The following FBXO17 variants were observed in gnomAD, a reference collection of about 807,000 sequenced individuals.
The protein encoded by FBXO17 is F-box only protein 17.
Under a neutral mutation model 34.1 loss-of-function variants are expected in FBXO17, and 43 were observed. The ratio of observed to expected loss-of-function variants is 1.26; its 90% confidence interval spans 0.99 to 1.62. FBXO17 has a LOEUF of 1.62. Among genes scored for constraint, FBXO17 ranks in the 40% most tolerant of loss-of-function variants. The probability of loss-of-function intolerance (pLI) is 0.00; values close to 1 mark genes in which losing one functional copy is unlikely to be tolerated. For synonymous variants in FBXO17, 169 were observed against 166.0 expected (o/e 1.02, Z -0.14); for missense variants, 424 against 386.7 (o/e 1.10, Z -0.81).
intron 2 of FBXO17, among the ~76,000 whole-genome samples, chr19:38,949,570 C>T (rs941417695): frequency 4.0e-5 from 6 of 151,696 alleles, no homozygotes; most frequent in Non-Finnish European, 8.8e-5. Flanking sequence ...CTCTGTCACG[C>T]AGGCTGTAGT....
chr19:38,973,647 T>C (rs1975419200), intron 1 of FBXO17, among the ~76,000 whole-genome samples: 1 of 152,292 alleles, frequency 6.6e-6, no homozygotes, highest in African/African-American at 2.4e-5. Flanking sequence ...TTGAAGAAAT[T>C]AATATTTACA....
In FBXO17 at chr19:38,942,655, C is replaced by T. The variant is rs781330255; in HGVS notation, c.790G>A (p.Ala264Thr). Reference protein sequence around the residue: ...DVSSWVGHYGALVTHSSVRVR... With the variant: ...DVSSWVGHYGTLVTHSSVRVR... ...CTCACACTGGAGTGGGTCACAAGGG[C>T]GCCATAGTGCCCCACCCAGGAACTC... Residue 264 changes from alanine (A) to threonine (T), a missense_variant, in exon 6 of 6, where the codon GCC (alanine) becomes ACC (threonine). By Grantham distance (58) the Ala-to-Thr change is moderately conservative. Coordinates refer to ENST00000292852, the MANE Select transcript of FBXO17 (RefSeq NM_024907.7). 114 of 1,599,284 alleles carry T rather than the reference C, an allele frequency of 7.1e-5. 2 individuals are homozygous for T. The highest frequency in any genetic ancestry group is 6.5e-4 in the South Asian group (58 of 88,772).
chr19:38,962,144 G>A (rs1262539347), intron 1 of FBXO17, among the ~76,000 whole-genome samples: 1 of 147,350 alleles, frequency 6.8e-6, no homozygotes, highest in Non-Finnish European at 1.5e-5. Context: ...GGGAACGGTG[G>A]CTTACGCCTG....
In FBXO17 at chr19:38,948,658, C is replaced by T. The variant is rs763574523; in HGVS notation, c.370G>A (p.Val124Met). Residue 124 changes from valine (V) to methionine (M), a missense_variant, in exon 3 of 6, where the codon GTG (valine) becomes ATG (methionine). Val to Met is a conservative substitution (Grantham distance 21). Transcript: ENST00000292852. ...GCCCAGCCGTTCCCGCCATGCTCCACCTCCCAGCCTCTGAAGCCCTCTGTG... is the reference window on the plus strand; with the variant it reads ...GCCCAGCCGTTCCCGCCATGCTCCATCTCCCAGCCTCTGAAGCCCTCTGTG... Reference protein sequence around the residue: ...CGEQGFRGWEVEHGGNGWAIE... With the variant: ...CGEQGFRGWEMEHGGNGWAIE... 6 of 1,614,130 alleles carry T rather than the reference C, an allele frequency of 3.7e-6. No individual in the cohort carries two copies. In the South Asian group the frequency reaches 5.5e-5, roughly 15 times the overall value.
At chr19:38,942,842 G>A in intron 5 of FBXO17, 91 bp from the exon 6 acceptor site, 1 of 1,417,128 alleles carries the variant, frequency 7.1e-7, no homozygotes, top group East Asian at 2.7e-5. Flanking sequence ...CTGAGGAGGT[G>A]CCAGTCCTGC....
At position 38,973,268 on chromosome 19, in the gene FBXO17, G is replaced by A. The variant is rs576086587; in HGVS notation, c.-18+2318C>T. Among the ~76,000 whole-genome samples the A allele has an allele frequency of 2.6e-5, 4 of 152,264 alleles. No homozygotes were observed. In the South Asian group the frequency reaches 8.3e-4, roughly 32 times the overall value. ...CACATGCTTGTAATCCCAGCTACTA[G>A]GGAGGCTGAGGCAGGAGAATCGCTT... is the stretch of plus-strand genomic sequence containing the variant. On this transcript the variant is annotated intron_variant, in intron 1 of 5. Coordinates refer to ENST00000292852, the MANE Select transcript of FBXO17 (RefSeq NM_024907.7).
chr19:38,943,552 G>C (rs1313522377), intron 5 of FBXO17, among the ~76,000 whole-genome samples: 1 of 151,812 alleles, frequency 6.6e-6, no homozygotes, highest in Non-Finnish European at 1.5e-5. Context: ...TGGGATTACA[G>C]GTGTGAGCCA....
chr19:38,971,425 G>A (rs940076091), intron 1 of FBXO17, among the ~76,000 whole-genome samples: 2 of 152,134 alleles, frequency 1.3e-5, no homozygotes, highest in Admixed American at 1.3e-4. Flanking sequence ...TGAACCTCTG[G>A]CACGATCATT....
At chr19:38,966,321 G>GTGTGTGTGTGTGTGTGTGTGT (rs1568445631) in intron 1 of FBXO17, among the ~76,000 whole-genome samples, 1 of 149,586 alleles carries the variant, frequency 6.7e-6, no homozygotes, top group African/African-American at 2.5e-5. Flanking sequence ...GTGTGTGTGT[G>GTGTGTGTGTGTGTGTGTGTGT]GAGATGGGGT....
chr19:38,954,131 C>T (rs1975127329), intron 1 of FBXO17, among the ~76,000 whole-genome samples: 1 of 151,910 alleles, frequency 6.6e-6, no homozygotes. Flanking sequence ...ATTAGCCTGG[C>T]CAGGGGGCTG....
intron 1 of FBXO17, among the ~76,000 whole-genome samples, chr19:38,960,354 T>A (rs921178659): frequency 2.0e-5 from 3 of 151,948 alleles, no homozygotes; most frequent in African/African-American, 7.3e-5. Context: ...AGGGAACTTG[T>A]GCCTTTGCCG....
chr19:38,954,915 T>C (rs1446752147), intron 1 of FBXO17, among the ~76,000 whole-genome samples: 1 of 130,582 alleles, frequency 7.7e-6, no homozygotes, highest in Non-Finnish European at 1.6e-5. Context: ...TTATTATTAT[T>C]ATTATTATTA....
chr19:38,964,544 G>A (rs1332523959), intron 1 of FBXO17, among the ~76,000 whole-genome samples: 1 of 152,040 alleles, frequency 6.6e-6, no homozygotes, highest in Non-Finnish European at 1.5e-5. Context: ...TGAGGCAGGG[G>A]GATTGCTTGA....
intron 1 of FBXO17, among the ~76,000 whole-genome samples, chr19:38,966,297 G>GTGTGTGTGTGTGTA (rs1975320581): frequency 6.7e-6 from 1 of 149,364 alleles, no homozygotes; most frequent in South Asian, 2.1e-4. Context: ...AAAATTTTGT[G>GTGTGTGTGTGTGTA]TGTGTGTGTG....
At chr19:38,970,782 A>G (rs1975381248) in intron 1 of FBXO17, among the ~76,000 whole-genome samples, 1 of 151,960 alleles carries the variant, frequency 6.6e-6, no homozygotes, top group Admixed American at 6.6e-5. Context: ...AACATACCAA[A>G]TGGGCTCCGT....
At chr19:38,954,160 TCAAG>T (rs1975127818) in intron 1 of FBXO17, among the ~76,000 whole-genome samples, 1 of 151,816 alleles carries the variant, frequency 6.6e-6, no homozygotes, top group Admixed American at 6.6e-5. Flanking sequence ...TTTAGCTCAC[TCAAG>T]CTGTGTGGGT....
At chr19:38,955,630 C>G (rs1203448157) in intron 1 of FBXO17, among the ~76,000 whole-genome samples, 1 of 151,718 alleles carries the variant, frequency 6.6e-6, no homozygotes, top group Non-Finnish European at 1.5e-5. Flanking sequence ...ACTACAGGTG[C>G]GTGCCACCAG....
intron 1 of FBXO17, among the ~76,000 whole-genome samples, chr19:38,950,867 T>C (rs1482992352): frequency 6.6e-6 from 1 of 152,126 alleles, no homozygotes. Context: ...TCTTGGCACA[T>C]TGCAACCTCC....
At chr19:38,952,250 G>A (rs1474866414) in intron 1 of FBXO17, among the ~76,000 whole-genome samples, 1 of 152,202 alleles carries the variant, frequency 6.6e-6, no homozygotes, top group African/African-American at 2.4e-5. Flanking sequence ...CCTGGCCTGA[G>A]TTTGGCTTTT....
Sources: gnomAD v4.1 joint callset for allele counts (sites outside exome capture counted in the v4.1 genomes callset) on GRCh38, gnomAD v4.1.1 for gene constraint, MANE v1.5 for transcripts, NCBI Gene and HGNC (gene_info 2026-07-23, HGNC 2026-07-21) for gene names.